The following CD48 variants were observed in gnomAD, a reference collection of about 807,000 sequenced individuals.
CD48 encodes CD48 antigen.
A neutral mutation model predicts 22.0 loss-of-function variants in CD48; 20 were observed. The observed-to-expected ratio is 0.91, with a 90% CI of 0.64 to 1.32. The LOEUF (loss-of-function observed/expected upper bound fraction) is 1.32, where lower values mean the gene tolerates loss of function less well. Among genes scored for constraint, CD48 ranks in the 40% most tolerant of loss-of-function variants. CD48 has a pLI of 0.00. For synonymous variants in CD48, 110 were observed against 110.1 expected, an observed-to-expected ratio of 1.00 and a Z score of 0.01; for missense variants, 307 against 286.5, an observed-to-expected ratio of 1.07 and a Z score of -0.52.
At chr1:160,704,763 G>A (rs768060075) in intron 1 of CD48, among the ~76,000 whole-genome samples, 2 of 151,424 alleles carry the variant, frequency 1.3e-5, no homozygotes, top group African/African-American at 2.4e-5. Flanking sequence ...GTTCCTATTT[G>A]TATTTCCAGT....
chr1:160,691,196 G>A (rs1175690760), intron 1 of CD48, among the ~76,000 whole-genome samples: 7 of 152,084 alleles, frequency 4.6e-5, no homozygotes, highest in East Asian at 1.9e-4. Flanking sequence ...CCCCCAGCCC[G>A]ACACCCGTAA....
rs1304765377 is a variant in CD48, at chr1:160,684,668, T to A, written c.385+219A>T. The A allele has an allele frequency of 2.9e-6, 4 of 1,399,286 alleles. No individual in the cohort carries two copies. In the African/African-American group the frequency reaches 5.8e-5, roughly 20 times the overall value. 86.7% of individuals were successfully genotyped at this position (1,399,286 alleles called of 1,614,324 possible). On this transcript the variant is annotated intron_variant, in intron 2 of 3. Coordinates refer to ENST00000368046, the MANE Select transcript of CD48 (RefSeq NM_001778.4). ...CTCTTCAAAGCTTAGACTCACTAAC[T>A]TCAGAAGAGGTGTTAAATGTCCTAA...
chr1:160,692,366 C>T (rs1662252921), intron 1 of CD48: 1 of 152,064 alleles, frequency 6.6e-6, no homozygotes, highest in Non-Finnish European at 1.5e-5. Context: ...TATCCTGAAA[C>T]ATTAAAATTA....
intron 3 of CD48, among the ~76,000 whole-genome samples, chr1:160,679,377 C>T (rs550156078): frequency 1.8e-4 from 27 of 152,280 alleles, no homozygotes; most frequent in Non-Finnish European, 3.2e-4. Flanking sequence ...AAGGTTACCT[C>T]GACATATCTG....
chr1:160,694,095 T>C (rs1323417123), intron 1 of CD48, among the ~76,000 whole-genome samples: 1 of 152,260 alleles, frequency 6.6e-6, no homozygotes, highest in African/African-American at 2.4e-5. Flanking sequence ...GGAGTTCAAA[T>C]TCATACTGGT....
rs1558029722 is a variant in CD48 at position 160,681,202 on chromosome 1, CCAGGGTA to C, written c.645_651del (p.Cys215TrpfsTer7). 1 of 1,614,120 alleles carries C rather than the reference CCAGGGTA, an allele frequency of 6.2e-7. No individual in the cohort carries two copies. The highest frequency in any genetic ancestry group is 2.2e-5 in the East Asian group (1 of 44,872). On this transcript the variant is annotated frameshift_variant and splice_region_variant, in exon 3 of 4. Transcript: ENST00000368046. LOFTEE classifies it low-confidence loss of function (END_TRUNC). Reference sequence around the variant, plus strand: ...CTCAGCTCCCAGGGATCCTTCTTACCCAGGGTACAGGGTGGACTGAGGCAGACCGTGC... The same window carrying C: ...CTCAGCTCCCAGGGATCCTTCTTACCCAGGGTGGACTGAGGCAGACCGTGC...
rs140939176 is a variant in CD48 at position 160,682,849 on chromosome 1, G to A, written c.386-1381C>T. On this transcript the variant is annotated intron_variant, in intron 2 of 3. Transcript: ENST00000368046. ...ATCTGGTCCTTCCTTGGCTAAGGCC[G>A]GTTTACCTGCAATCCTCTGAGATCT... Among the ~76,000 whole-genome samples, 296 of 152,310 alleles carry A rather than the reference G, an allele frequency of 1.9e-3. 1 individual carries two copies. The highest frequency in any genetic ancestry group is 6.9e-3 in the African/African-American group (287 of 41,562).
chr1:160,681,283 A>G lies in CD48; in HGVS notation c.571T>C (p.Ser191Pro). ...LETTLMPHNY[S>P]RCYTCQVSNS... ...CTGACTTGGCAAGTATAACACCTGG[A>G]GTAATTATGTGGCATAAGGGTGGTT... The change falls in exon 3 of 4, where the codon TCC (serine) becomes CCC (proline). Residue 191 changes from serine to proline, a missense_variant. Coordinates refer to ENST00000368046, the MANE Select transcript of CD48 (RefSeq NM_001778.4). 1.2e-6 allele frequency: 2 copies of G among 1,614,204 alleles called. No individual in the cohort carries two copies. Among genetic ancestry groups the G allele is most frequent in the Admixed American group, 1.7e-5 (1 of 60,026 alleles).
intron 1 of CD48, among the ~76,000 whole-genome samples, chr1:160,689,826 T>C (rs892759443): frequency 6.6e-6 from 1 of 152,216 alleles, no homozygotes; most frequent in African/African-American, 2.4e-5. Context: ...AACACAAGCA[T>C]ATCCTCTTCC....
intron 1 of CD48, among the ~76,000 whole-genome samples, chr1:160,688,792 C>T (rs1021201852): frequency 6.6e-6 from 1 of 152,108 alleles, no homozygotes; most frequent in Non-Finnish European, 1.5e-5. Flanking sequence ...AGCTGATCCT[C>T]CTATGCAAAG....
intron 1 of CD48, among the ~76,000 whole-genome samples, chr1:160,695,797 G>C (rs1278627857): frequency 7.8e-6 from 1 of 127,664 alleles, no homozygotes; most frequent in Admixed American, 7.9e-5. Context: ...TGATCTTGTG[G>C]AGTGGTCATT....
intron 1 of CD48, among the ~76,000 whole-genome samples, chr1:160,710,654 A>G (rs1016979360): frequency 6.6e-6 from 1 of 152,176 alleles, no homozygotes; most frequent in African/African-American, 2.4e-5. Context: ...CCCCAATCCC[A>G]AGGTCATACC....
intron 2 of CD48, among the ~76,000 whole-genome samples, chr1:160,683,032 GT>G (rs1315550405): frequency 6.6e-6 from 1 of 152,210 alleles, no homozygotes; most frequent in Non-Finnish European, 1.5e-5. Context: ...TAGAACTCTA[GT>G]TTTGTCTCCT....
rs745470778 is a variant in CD48, at chr1:160,685,182, C to G, written c.90G>C (p.Leu30Phe). 1 of 1,604,068 alleles carries G rather than the reference C, an allele frequency of 6.2e-7. No homozygotes were observed. The highest frequency in any genetic ancestry group is 8.5e-7 in the Non-Finnish European group (1 of 1,172,982). The change falls in exon 2 of 4, where the codon TTG (leucine) becomes TTC (phenylalanine). Residue 30 changes from leucine to phenylalanine, a missense_variant. Transcript: ENST00000368046. The stretch of plus-strand genomic sequence containing the variant: ...TGCCGGAGACCACGGTCATATGTAC[C>G]AAGTGACCTGCCAATGAGATTCAGA... ...SLLVTSIQGHLVHMTVVSGSN... is the reference protein window; with the variant it reads ...SLLVTSIQGHFVHMTVVSGSN...
intron 1 of CD48, chr1:160,691,799 C>G (rs1031246135): frequency 1.2e-5 from 4 of 335,636 alleles, no homozygotes; most frequent in East Asian, 4.0e-5. Flanking sequence ...AAGGTACACT[C>G]GAGCGTGGTC....
intron 3 of CD48, chr1:160,680,869 CTCACCCTGATGTT>C: frequency 7.4e-7 from 1 of 1,353,280 alleles, no homozygotes; most frequent in Non-Finnish European, 9.5e-7. Context: ...CTTCTCCCTG[CTCACCCTGATGTT>C]TCAGTCTACT....
chr1:160,682,766 C>T (rs1036705454), intron 2 of CD48, among the ~76,000 whole-genome samples: 1 of 152,138 alleles, frequency 6.6e-6, no homozygotes, highest in Non-Finnish European at 1.5e-5. Flanking sequence ...ATTCTAGAGG[C>T]CATTTTACCA....
chr1:160,692,613 A>G (rs1361887800), intron 1 of CD48, among the ~76,000 whole-genome samples: 1 of 152,158 alleles, frequency 6.6e-6, no homozygotes, highest in African/African-American at 2.4e-5. Context: ...GCAGGGAGCC[A>G]TACCCTCAGC....
intron 1 of CD48, among the ~76,000 whole-genome samples, chr1:160,702,363 G>A (rs1242381082): frequency 6.6e-6 from 1 of 152,138 alleles, no homozygotes; most frequent in African/African-American, 2.4e-5. Context: ...TTGGTTGTAG[G>A]TAGATTTGTT....
Sources: allele counts gnomAD v4.1 joint callset (sites outside exome capture counted in the v4.1 genomes callset), GRCh38; gene constraint gnomAD v4.1.1; transcripts MANE v1.5; gene names NCBI Gene and HGNC (gene_info 2026-07-23, HGNC 2026-07-21).